The following INKA1 variants were observed in gnomAD, a reference collection of about 807,000 sequenced individuals.
INKA1 encodes PAK4-inhibitor INKA1.
In INKA1, 14 loss-of-function variants were observed where a neutral mutation model predicts 21.3. That is an observed-to-expected ratio of 0.66 (90% CI 0.43 to 1.03). The LOEUF (loss-of-function observed/expected upper bound fraction) is 1.03. Among genes scored for constraint, INKA1 ranks in the 50% least tolerant of loss-of-function variants. INKA1 has a pLI of 0.00. For synonymous variants in INKA1, 133 were observed against 143.3 expected, an observed-to-expected ratio of 0.93 and a Z score of 0.51; for missense variants, 353 against 379.0, an observed-to-expected ratio of 0.93 and a Z score of 0.57.
Position 49,803,503 on chromosome 3 carries a change from C to A in INKA1, c.51+60C>A. The stretch of plus-strand genomic sequence containing the variant: ...GCGTGCGGGATGCCAGGCTGCCGCC[C>A]GGCCGGAACAACAGACGGGTGCGGG... On this transcript the variant is annotated intron_variant, in intron 1 of 1. Coordinates refer to ENST00000333323, the MANE Select transcript of INKA1 (RefSeq NM_203370.2). The surrounding 1 kb of genome is among the most constrained non-coding windows in gnomAD (Gnocchi z 4.8). 1 of 1,498,972 alleles carries A rather than the reference C, an allele frequency of 6.7e-7. No homozygotes were observed. The highest frequency in any genetic ancestry group is 9.0e-7 in the Non-Finnish European group (1 of 1,109,878). 92.9% of individuals were successfully genotyped at this position (1,498,972 alleles called of 1,614,324 possible).
Position 49,804,108 on chromosome 3 carries a change from T to A in INKA1, c.52-73T>A. Reference sequence around the variant, plus strand: ...GGCCAGCAGGCCTATCTAACCTTCCTGGACCCTCTGTTCTCTGGGCTGGCC... The same window carrying A: ...GGCCAGCAGGCCTATCTAACCTTCCAGGACCCTCTGTTCTCTGGGCTGGCC... On this transcript the variant is annotated intron_variant, in intron 1 of 1. Transcript: ENST00000333323. The surrounding 1 kb of genome is among the most constrained non-coding windows in gnomAD (Gnocchi z 6.7). 1 of 1,377,204 alleles carries A rather than the reference T, an allele frequency of 7.3e-7. No individual in the cohort carries two copies. The highest frequency in any genetic ancestry group is 9.9e-7 in the Non-Finnish European group (1 of 1,005,610). The allele number at this position is 1,377,204 out of a possible 1,614,324, so 85.3% of individuals were successfully genotyped here. A position where few individuals can be genotyped will look rare whatever the true frequency, so the allele number is the denominator to read the frequency against.
Position 49,804,448 on chromosome 3 carries a change from G to A in INKA1, c.319G>A (p.Glu107Lys). The change falls in exon 2 of 2, where the codon GAA becomes AAA. Residue 107 changes from glutamate (E) to lysine (K), a missense_variant. Glu to Lys is a moderately conservative substitution (Grantham distance 56, BLOSUM62 1). Coordinates refer to ENST00000333323, the MANE Select transcript of INKA1 (RefSeq NM_203370.2). The surrounding 1 kb of genome is among the most constrained non-coding windows in gnomAD (Gnocchi z 6.7). The part of the protein sequence containing the change: ...SEVSGSTWRE[E>K]ELPVSQRPAP... ...GGTGTCAGGCAGCACATGGCGAGAG[G>A]AAGAACTGCCTGTATCCCAGCGCCC... is the stretch of plus-strand genomic sequence containing the variant. 5 of 1,613,578 alleles carry A rather than the reference G, an allele frequency of 3.1e-6. No individual in the cohort carries two copies. Among genetic ancestry groups the A allele is most frequent in the Non-Finnish European group, 3.4e-6 (4 of 1,180,002 alleles).
Position 49,804,554 on chromosome 3 carries a change from G to A in INKA1, c.425G>A (p.Ser142Asn). Residue 142 changes from serine (S) to asparagine (N), a missense_variant, in exon 2 of 2, where the codon AGT (serine) becomes AAT (asparagine). Ser to Asn is a conservative substitution (Grantham distance 46). Coordinates refer to ENST00000333323, the MANE Select transcript of INKA1 (RefSeq NM_203370.2). The surrounding 1 kb of genome is among the most constrained non-coding windows in gnomAD (Gnocchi z 6.7). ...ATGCCCAGCAGGGCCCCTGTAGCCA[G>A]TGTACCACCTGTCCACCATCCACGG... ...LPMPSRAPVA[S>N]VPPVHHPRPK... 1.2e-6 allele frequency: 2 copies of A among 1,613,466 alleles called. No homozygotes were observed. Among genetic ancestry groups the A allele is most frequent in the Non-Finnish European group, 1.7e-6 (2 of 1,180,024 alleles).
rs760182460 is a variant in INKA1, at chr3:49,804,963, C to T, written c.834C>T (p.Ile278=). ...LMSCRSRQPI[I]CNDVSYL is the part of the protein sequence containing the mutation. ...GCTGTCGTAGCCGCCAGCCCATCAT[C>T]TGCAATGATGTCAGCTACCTCTGAC... The change falls in exon 2 of 2, where the codon ATC becomes ATT. Residue 278 remains isoleucine, a synonymous_variant. Coordinates refer to ENST00000333323, the MANE Select transcript of INKA1 (RefSeq NM_203370.2). This position sits in a 1 kb window ranked among gnomAD's most constrained non-coding sequence, Gnocchi z 6.7. 1 of 1,610,838 alleles carries T rather than the reference C, an allele frequency of 6.2e-7. No individual in the cohort carries two copies. Among genetic ancestry groups the T allele is most frequent in the South Asian group, 1.1e-5 (1 of 91,052 alleles).
chr3:49,803,383 T>C lies in INKA1; in HGVS notation c.-10T>C. 9 of 1,526,326 alleles carry C rather than the reference T, an allele frequency of 5.9e-6. No individual in the cohort carries two copies. Among genetic ancestry groups the C allele is most frequent in the Non-Finnish European group, 7.0e-6 (8 of 1,140,390 alleles). 94.5% of individuals were successfully genotyped at this position (1,526,326 alleles called of 1,614,324 possible). On this transcript the variant is annotated 5_prime_UTR_variant, in exon 1 of 2. Coordinates refer to ENST00000333323, the MANE Select transcript of INKA1 (RefSeq NM_203370.2). The surrounding 1 kb of genome is among the most constrained non-coding windows in gnomAD (Gnocchi z 4.8). ...GAGCTAGTAGGTTCGGTGGGGGCCCTGGCATGGACATGCACAGCGCTCGGC... is the reference window on the plus strand; with the variant it reads ...GAGCTAGTAGGTTCGGTGGGGGCCCCGGCATGGACATGCACAGCGCTCGGC...
chr3:49,803,576 A>T lies in INKA1; in HGVS notation c.51+133A>T. On this transcript the variant is annotated intron_variant, in intron 1 of 1. Coordinates refer to ENST00000333323, the MANE Select transcript of INKA1 (RefSeq NM_203370.2). The surrounding 1 kb of genome is among the most constrained non-coding windows in gnomAD (Gnocchi z 4.8). ...AGGCGGGGTGGGGGCGGCGTGGCGC[A>T]TATGGCTCAGATGGCCCGCGTCGGG... 1 of 873,688 alleles carries T rather than the reference A, an allele frequency of 1.1e-6. No homozygotes were observed. Among genetic ancestry groups the T allele is most frequent in the Non-Finnish European group, 1.8e-6 (1 of 568,498 alleles). 54.1% of individuals were successfully genotyped at this position (873,688 alleles called of 1,614,324 possible).
chr3:49,804,202 TCACCCTCAA>T lies in INKA1; in HGVS notation c.74_82del (p.Ser25_Met28delinsLeu). Reference sequence around the variant, plus strand: ...TCAGTTGTGTGGTCGGGACACAGGCTCACCCTCAATGCCTGGTCCCCTGCAGCCAACCTC... The same window carrying T: ...TCAGTTGTGTGGTCGGGACACAGGCTTGCCTGGTCCCCTGCAGCCAACCTC... On this transcript the variant is annotated inframe_deletion, in exon 2 of 2. Transcript: ENST00000333323. The surrounding 1 kb of genome is among the most constrained non-coding windows in gnomAD (Gnocchi z 6.7). 1.3e-6 allele frequency: 2 copies of T among 1,592,280 alleles called. No homozygotes were observed. Among genetic ancestry groups the T allele is most frequent in the Non-Finnish European group, 1.7e-6 (2 of 1,167,400 alleles).
At position 49,804,195 on chromosome 3, in the gene INKA1, C is replaced by T. The variant is rs1302458887; in HGVS notation, c.66C>T (p.Asp22=). ...CTTCCCCTCAGTTGTGTGGTCGGGACACAGGCTCACCCTCAATGCCTGGTC... is the reference window on the plus strand; with the variant it reads ...CTTCCCCTCAGTTGTGTGGTCGGGATACAGGCTCACCCTCAATGCCTGGTC... ...QLRWELLCGR[D]TGSPSMPGPL... The change falls in exon 2 of 2, where the codon GAC becomes GAT. Residue 22 remains aspartate, a synonymous_variant. Coordinates refer to ENST00000333323, the MANE Select transcript of INKA1 (RefSeq NM_203370.2). This position sits in a 1 kb window ranked among gnomAD's most constrained non-coding sequence, Gnocchi z 6.7. The T allele has an allele frequency of 6.3e-7, 1 of 1,585,270 alleles. No individual in the cohort carries two copies. Among genetic ancestry groups the T allele is most frequent in the Non-Finnish European group, 8.6e-7 (1 of 1,163,574 alleles).
rs2081401835 is a variant in INKA1 at position 49,803,777 on chromosome 3, C to T, written c.51+334C>T. The stretch of plus-strand genomic sequence containing the variant: ...GTGAACGCCCCCTACTTCAGGCTGG[C>T]CTATGCCTCCCTTCTCTACCCCTCA... On this transcript the variant is annotated intron_variant, in intron 1 of 1. Transcript: ENST00000333323. The surrounding 1 kb of genome is among the most constrained non-coding windows in gnomAD (Gnocchi z 4.8). Among the ~76,000 whole-genome samples the T allele has an allele frequency of 6.6e-6, 1 of 152,190 alleles. No individual in the cohort carries two copies. Among genetic ancestry groups the T allele is most frequent in the Non-Finnish European group, 1.5e-5 (1 of 68,016 alleles).
At position 49,803,458 on chromosome 3, in the gene INKA1, C is replaced by T. The variant is rs377727330; in HGVS notation, c.51+15C>T. 165 of 1,550,506 alleles carry T rather than the reference C, an allele frequency of 1.1e-4. No individual in the cohort carries two copies. Among genetic ancestry groups the T allele is most frequent in the East Asian group, 2.8e-4 (11 of 39,734 alleles). On this transcript the variant is annotated intron_variant, in intron 1 of 1. Transcript: ENST00000333323. This position sits in a 1 kb window ranked among gnomAD's most constrained non-coding sequence, Gnocchi z 4.8. ...GCTGGGAACTGGTGAGGCTCGGGAGCGGGTGTGGTTAGTGAGGACGCGTGC... is the reference window on the plus strand; with the variant it reads ...GCTGGGAACTGGTGAGGCTCGGGAGTGGGTGTGGTTAGTGAGGACGCGTGC...
chr3:49,803,277 C>T lies in INKA1; in HGVS notation c.-116C>T, dbSNP rs568599377. The T allele has an allele frequency of 1.8e-5, 18 of 990,346 alleles. No individual in the cohort carries two copies. Among genetic ancestry groups the T allele is most frequent in the African/African-American group, 5.2e-5 (3 of 57,848 alleles). 61.3% of individuals were successfully genotyped at this position (990,346 alleles called of 1,614,324 possible). A position where few individuals can be genotyped will look rare whatever the true frequency, so the allele number is the denominator to read the frequency against. On this transcript the variant is annotated 5_prime_UTR_variant, in exon 1 of 2. Coordinates refer to ENST00000333323, the MANE Select transcript of INKA1 (RefSeq NM_203370.2). This position sits in a 1 kb window ranked among gnomAD's most constrained non-coding sequence, Gnocchi z 4.8. ...GCGGGAGCTACGGAGAGCGAGGAGT[C>T]GCGCAGGCAGGCGGAGGCTGAGGGC...
Position 49,804,100 on chromosome 3 carries a change from A to G in INKA1, c.52-81A>G. On this transcript the variant is annotated intron_variant, in intron 1 of 1. Coordinates refer to ENST00000333323, the MANE Select transcript of INKA1 (RefSeq NM_203370.2). The surrounding 1 kb of genome is among the most constrained non-coding windows in gnomAD (Gnocchi z 6.7). ...GCTGCCCAGGCCAGCAGGCCTATCTAACCTTCCTGGACCCTCTGTTCTCTG... is the reference window on the plus strand; with the variant it reads ...GCTGCCCAGGCCAGCAGGCCTATCTGACCTTCCTGGACCCTCTGTTCTCTG... The G allele has an allele frequency of 7.7e-7, 1 of 1,292,218 alleles. No homozygotes were observed. The highest frequency in any genetic ancestry group is 1.1e-6 in the Non-Finnish European group (1 of 933,776). The allele number at this position is 1,292,218 out of a possible 1,614,324, so 80.0% of individuals were successfully genotyped here.
rs1274803318 is a variant in INKA1, at chr3:49,804,446, A to G, written c.317A>G (p.Glu106Gly). 1 of 1,613,402 alleles carries G rather than the reference A, an allele frequency of 6.2e-7. No individual in the cohort carries two copies. Among genetic ancestry groups the G allele is most frequent in the African/African-American group, 1.3e-5 (1 of 74,878 alleles). ...GAGGTGTCAGGCAGCACATGGCGAGAGGAAGAACTGCCTGTATCCCAGCGC... is the reference window on the plus strand; with the variant it reads ...GAGGTGTCAGGCAGCACATGGCGAGGGGAAGAACTGCCTGTATCCCAGCGC... ...FSEVSGSTWR[E>G]EELPVSQRPA... The change falls in exon 2 of 2, where the codon GAG becomes GGG. Residue 106 changes from glutamate to glycine, a missense_variant. Transcript: ENST00000333323. The surrounding 1 kb of genome is among the most constrained non-coding windows in gnomAD (Gnocchi z 6.7).
rs1173468974 is a variant in INKA1 at position 49,803,957 on chromosome 3, C to G, written c.52-224C>G. ...GCCCGCCCGCCCTGGTGGCGGGTGC[C>G]GACTTGCCCGGCCCTGCATGCTGCA... On this transcript the variant is annotated intron_variant, in intron 1 of 1. Coordinates refer to ENST00000333323, the MANE Select transcript of INKA1 (RefSeq NM_203370.2). The surrounding 1 kb of genome is among the most constrained non-coding windows in gnomAD (Gnocchi z 4.8). 6.6e-6 allele frequency among the ~76,000 whole-genome samples: 1 copy of G among 152,154 alleles called. No individual in the cohort carries two copies. The highest frequency in any genetic ancestry group is 1.9e-4 in the East Asian group (1 of 5,180).
At position 49,804,209 on chromosome 3, in the gene INKA1, C is replaced by A; in HGVS notation, c.80C>A (p.Ser27Ter). 1 of 1,597,196 alleles carries A rather than the reference C, an allele frequency of 6.3e-7. No individual in the cohort carries two copies. The change falls in exon 2 of 2, where the codon TCA becomes TAA. Residue 27 changes from serine to a stop codon, truncating the protein, a stop_gained. Coordinates refer to ENST00000333323, the MANE Select transcript of INKA1 (RefSeq NM_203370.2). LOFTEE classifies it high-confidence loss of function. This position sits in a 1 kb window ranked among gnomAD's most constrained non-coding sequence, Gnocchi z 6.7. ...TGTGGTCGGGACACAGGCTCACCCT[C>A]AATGCCTGGTCCCCTGCAGCCAACC... Reference protein sequence around the residue: ...LLCGRDTGSPSMPGPLQPTSQ... With the variant: ...LLCGRDTGSP
At position 49,804,830 on chromosome 3, in the gene INKA1, G is replaced by A. The variant is rs748423119; in HGVS notation, c.701G>A (p.Arg234Gln). The A allele has an allele frequency of 2.4e-5, 38 of 1,612,830 alleles. No homozygotes were observed. Among genetic ancestry groups the A allele is most frequent in the South Asian group, 4.4e-5 (4 of 91,076 alleles). The change falls in exon 2 of 2, where the codon CGG (arginine) becomes CAG (glutamine). Residue 234 changes from arginine (R) to glutamine (Q), a missense_variant. Physicochemically the swap from Arg to Gln is conservative, Grantham distance 43 (BLOSUM62 1). Coordinates refer to ENST00000333323, the MANE Select transcript of INKA1 (RefSeq NM_203370.2). The surrounding 1 kb of genome is among the most constrained non-coding windows in gnomAD (Gnocchi z 6.7). ...GGCCTCTCTGAGCAGCTTCGGCGCC[G>A]GCTGGCCAGGGCTCGGCGGACAGCT... ...LLGLSEQLRR[R>Q]LARARRTAMA...
rs768077175 is a variant in INKA1 at position 49,804,440 on chromosome 3, G to A, written c.311G>A (p.Trp104Ter). ...TTCTCGGAGGTGTCAGGCAGCACAT[G>A]GCGAGAGGAAGAACTGCCTGTATCC... Reference protein sequence around the residue: ...SGFSEVSGSTWREEELPVSQR... With the variant: ...SGFSEVSGST The change falls in exon 2 of 2, where the codon TGG (tryptophan) becomes TAG (stop). Residue 104 changes from tryptophan (W) to a stop codon, truncating the protein, a stop_gained. Coordinates refer to ENST00000333323, the MANE Select transcript of INKA1 (RefSeq NM_203370.2). LOFTEE classifies it high-confidence loss of function. This position sits in a 1 kb window ranked among gnomAD's most constrained non-coding sequence, Gnocchi z 6.7. 3 of 1,613,636 alleles carry A rather than the reference G, an allele frequency of 1.9e-6. No homozygotes were observed. The South Asian group carries it at 3.3e-5, about 18-fold the overall frequency.
Position 49,804,083 on chromosome 3 carries a change from G to C in INKA1, c.52-98G>C, listed in dbSNP as rs2081406623. 9.6e-7 allele frequency: 1 copy of C among 1,044,378 alleles called. No individual in the cohort carries two copies. The highest frequency in any genetic ancestry group is 2.3e-5 in the Admixed American group (1 of 43,818). 64.7% of individuals were successfully genotyped at this position (1,044,378 alleles called of 1,614,324 possible). On this transcript the variant is annotated intron_variant, in intron 1 of 1. Coordinates refer to ENST00000333323, the MANE Select transcript of INKA1 (RefSeq NM_203370.2). The surrounding 1 kb of genome is among the most constrained non-coding windows in gnomAD (Gnocchi z 6.7). ...GTGCTCACTAACACCCTGCTGCCCA[G>C]GCCAGCAGGCCTATCTAACCTTCCT...
At position 49,804,774 on chromosome 3, in the gene INKA1, T is replaced by G; in HGVS notation, c.645T>G (p.Arg215=). ...GSEGGDGGGH[R]ARARPPQFLL... is the part of the protein sequence containing the mutation. ...AAGGGGGTGACGGAGGTGGGCACCG[T>G]GCCCGTGCTCGGCCCCCTCAGTTCC... Residue 215 remains arginine, a synonymous_variant, in exon 2 of 2, where the codon CGT becomes CGG. Transcript: ENST00000333323. The surrounding 1 kb of genome is among the most constrained non-coding windows in gnomAD (Gnocchi z 6.7). 6.2e-7 allele frequency: 1 copy of G among 1,613,268 alleles called. No individual in the cohort carries two copies. The highest frequency in any genetic ancestry group is 8.5e-7 in the Non-Finnish European group (1 of 1,180,010).
Sources: gnomAD v4.1 joint callset for allele counts (sites outside exome capture counted in the v4.1 genomes callset) on GRCh38, gnomAD v4.1.1 for gene constraint, Gnocchi (gnomAD v3.1) non-coding constraint, MANE v1.5 for transcripts, NCBI Gene and HGNC (gene_info 2026-07-23, HGNC 2026-07-21) for gene names.